SEMA3A: variants seen among roughly 807,000 people sequenced by gnomAD.
SEMA3A encodes semaphorin-3A.
A neutral mutation model predicts 97.9 loss-of-function variants in SEMA3A; 29 were observed. The observed-to-expected ratio is 0.30, with a 90% confidence interval of 0.22 to 0.40. SEMA3A has a LOEUF of 0.40. Ranked by LOEUF, SEMA3A falls within the 10% of genes least tolerant of loss-of-function variation. The pLI is 1.00. For missense variants in SEMA3A, 763 were observed against 951.3 expected (o/e 0.80, Z 2.60); for synonymous variants, 321 against 323.7 (o/e 0.99, Z 0.09).
At chr7:84,396,368 A>G (rs1043953628) in intron 1 of SEMA3A, among the ~76,000 whole-genome samples, 1 of 151,740 alleles carries the variant, frequency 6.6e-6, no homozygotes, top group Non-Finnish European at 1.5e-5. Context: ...TATAATAGTA[A>G]CTATAGTCGT....
At chr7:83,988,672 A>C (rs982450161) in intron 12 of SEMA3A, among the ~76,000 whole-genome samples, 1 of 152,114 alleles carries the variant, frequency 6.6e-6, no homozygotes, top group African/African-American at 2.4e-5. Context: ...CATAGTTTCC[A>C]ATTTTTATAC....
chr7:84,444,579 T>A (rs1805357085), intron 1 of SEMA3A, among the ~76,000 whole-genome samples: 1 of 150,808 alleles, frequency 6.6e-6, no homozygotes, highest in Non-Finnish European at 1.5e-5. Flanking sequence ...TTTTTTTTTT[T>A]GAGACGGAGT....
At chr7:84,312,911 TATATATATATAC>T (rs1277575630) in intron 2 of SEMA3A, among the ~76,000 whole-genome samples, 529 of 51,794 alleles carry the variant, frequency 0.01, 19 homozygotes, top group Non-Finnish European at 0.014. Context: ...TATATATATA[TATATATATATAC>T]ACACACACAC....
chr7:84,264,251 T>A (rs919387145), intron 3 of SEMA3A, among the ~76,000 whole-genome samples: 6 of 152,166 alleles, frequency 3.9e-5, no homozygotes, highest in Non-Finnish European at 8.8e-5. Context: ...ACCCGATGAT[T>A]CCAGAATGTG....
chr7:84,376,263 A>C (rs1483631621), intron 1 of SEMA3A, among the ~76,000 whole-genome samples: 2 of 152,142 alleles, frequency 1.3e-5, no homozygotes, highest in Non-Finnish European at 2.9e-5. Context: ...AGGAACTTTC[A>C]CACTGTTTTT....
chr7:84,023,792 C>T (rs1385951708), intron 6 of SEMA3A, among the ~76,000 whole-genome samples: 2 of 151,824 alleles, frequency 1.3e-5, no homozygotes, highest in South Asian at 2.1e-4. Flanking sequence ...GGGTGGATCA[C>T]GAGGTCAGGA....
At chr7:84,163,180 G>A (rs921312390) in intron 1 of SEMA3A, among the ~76,000 whole-genome samples, 1 of 152,016 alleles carries the variant, frequency 6.6e-6, no homozygotes, top group Admixed American at 6.6e-5. Context: ...TAAAATTGTC[G>A]ATTCTAAAAT....
At chr7:84,190,974 C>T (rs1798021605) in intron 1 of SEMA3A, among the ~76,000 whole-genome samples, 1 of 150,172 alleles carries the variant, frequency 6.7e-6, no homozygotes, top group Non-Finnish European at 1.5e-5. Flanking sequence ...CACACACACA[C>T]ACACACACAC....
At chr7:84,173,770 A>C (rs35947091) in intron 1 of SEMA3A, among the ~76,000 whole-genome samples, 12,886 of 152,048 alleles carry the variant, frequency 0.085, 804 homozygotes, top group African/African-American at 0.17. Context: ...AGCCCATGGC[A>C]GATTGGGAAC....
At chr7:84,330,744 C>A (rs1455406695) in intron 2 of SEMA3A, among the ~76,000 whole-genome samples, 1 of 151,918 alleles carries the variant, frequency 6.6e-6, no homozygotes, top group African/African-American at 2.4e-5. Flanking sequence ...ATACTACAAG[C>A]ACTTTTTTTA....
At chr7:84,398,406 G>A (rs1803798141) in intron 1 of SEMA3A, among the ~76,000 whole-genome samples, 1 of 151,962 alleles carries the variant, frequency 6.6e-6, no homozygotes, top group African/African-American at 2.4e-5. Flanking sequence ...TTAGAATAGT[G>A]TTTTTCCTGA....
At chr7:84,104,387 T>C (rs909834008) in intron 4 of SEMA3A, among the ~76,000 whole-genome samples, 1 of 152,162 alleles carries the variant, frequency 6.6e-6, no homozygotes, top group Non-Finnish European at 1.5e-5. Flanking sequence ...AAGAATTTAA[T>C]GCTAACACTT....
chr7:84,385,778 T>C lies in SEMA3A; in HGVS notation c.-245-13878A>G, dbSNP rs562787580. Among the ~76,000 whole-genome samples, 119 of 152,326 alleles carry C rather than the reference T, an allele frequency of 7.8e-4. 2 individuals are homozygous for C. Among genetic ancestry groups the C allele is most frequent in the South Asian group, 3.3e-3 (16 of 4,830 alleles). ...TTGGAAATACATTACCAGACACTTA[T>C]CTGTAAAGACCTTTTCACTCTTACC... On this transcript the variant is annotated intron_variant, in intron 1 of 3. Transcript: ENST00000424555.
intron 2 of SEMA3A, among the ~76,000 whole-genome samples, chr7:84,357,177 C>A (rs1802582705): frequency 1.3e-5 from 2 of 151,408 alleles, no homozygotes; most frequent in Non-Finnish European, 2.9e-5. Context: ...ATGTGCACAA[C>A]ATGCAGGCTT....
At chr7:84,492,650 G>A (rs995543253) in exon 1 of SEMA3A, 7 of 152,078 alleles carry the variant, frequency 4.6e-5, no homozygotes, top group Admixed American at 3.3e-4. Context: ...ACTTCAGCAT[G>A]AGAGCACAGA....
intron 2 of SEMA3A, among the ~76,000 whole-genome samples, chr7:84,315,188 T>C (rs1801465638): frequency 6.6e-6 from 1 of 152,110 alleles, no homozygotes; most frequent in Non-Finnish European, 1.5e-5. Flanking sequence ...ATCAGTAAAT[T>C]TGTCAGATCA....
At chr7:84,121,075 G>A (rs115631650) in intron 3 of SEMA3A, among the ~76,000 whole-genome samples, 80 of 143,688 alleles carry the variant, frequency 5.6e-4, no homozygotes, top group African/African-American at 1.7e-3. Flanking sequence ...TTATTGCACC[G>A]GACAGTGCGC....
intron 3 of SEMA3A, among the ~76,000 whole-genome samples, chr7:84,269,613 C>G (rs1330973623): frequency 6.6e-6 from 1 of 152,108 alleles, no homozygotes; most frequent in African/African-American, 2.4e-5. Context: ...TCTCACAAGT[C>G]AAACATCTTG....
At chr7:84,351,736 T>G (rs1286535064) in intron 2 of SEMA3A, among the ~76,000 whole-genome samples, 1 of 151,984 alleles carries the variant, frequency 6.6e-6, no homozygotes, top group African/African-American at 2.4e-5. Flanking sequence ...AGCAAGGATG[T>G]GAAGTAAAGA....
Sources: gnomAD v4.1 joint callset for allele counts (sites outside exome capture counted in the v4.1 genomes callset) on GRCh38, gnomAD v4.1.1 for gene constraint, MANE v1.5 for transcripts, NCBI Gene and HGNC (gene_info 2026-07-23, HGNC 2026-07-21) for gene names.